Variants in PDZD8 observed in about 807,000 individuals in gnomAD.
PDZD8 encodes the protein PDZ domain containing 8.
Under a neutral mutation model 85.8 loss-of-function variants are expected in PDZD8, and 14 were observed. That is an observed-to-expected ratio of 0.16 (90% CI 0.11 to 0.26). The LOEUF (loss-of-function observed/expected upper bound fraction) is 0.26, where lower values mean the gene tolerates loss of function less well. Among genes scored for constraint, PDZD8 ranks in the 10% least tolerant of loss-of-function variants. PDZD8 has a pLI of 1.00. For synonymous variants in PDZD8, 592 were observed against 568.6 expected, an observed-to-expected ratio of 1.04 and a Z score of -0.59; for missense variants, 1,197 against 1,424.3, an observed-to-expected ratio of 0.84 and a Z score of 2.57.
intron 3 of PDZD8, among the ~76,000 whole-genome samples, chr10:117,296,329 T>C (rs1006259058): frequency 1.3e-5 from 2 of 152,238 alleles, no homozygotes; most frequent in East Asian, 3.9e-4. Flanking sequence ...ATATACTGCA[T>C]TATTGTGAGA....
In PDZD8 at chr10:117,375,105, C is replaced by T; in HGVS notation, c.123G>A (p.Ala41=). 3.8e-6 allele frequency: 6 copies of T among 1,595,584 alleles called. No homozygotes were observed. The highest frequency in any genetic ancestry group is 5.1e-6 in the Non-Finnish European group (6 of 1,176,062). The change falls in exon 1 of 5, where the codon GCG becomes GCA. Residue 41 remains alanine (A), a synonymous_variant. Transcript: ENST00000334464. ...GCTTGATGTAGCGGAAGCCCTCGCC[C>T]GCGCGGGCGGCCTCGTCCGCCGGCG... ...PEPPADEAAR[A]GEGFRYIKPV...
chr10:117,365,108 TA>T (rs2133885641), intron 1 of PDZD8, among the ~76,000 whole-genome samples: 1 of 142,410 alleles, frequency 7.0e-6, no homozygotes, highest in African/African-American at 2.6e-5. Flanking sequence ...TCCTCAATAC[TA>T]TACAAATATA....
At chr10:117,352,745 GAC>G (rs1357339608) in intron 1 of PDZD8, among the ~76,000 whole-genome samples, 2 of 152,142 alleles carry the variant, frequency 1.3e-5, no homozygotes, top group African/African-American at 4.8e-5. Context: ...ACAGCATAAA[GAC>G]AGACCATGGT....
intron 3 of PDZD8, among the ~76,000 whole-genome samples, chr10:117,297,077 A>G (rs568667680): frequency 6.6e-6 from 1 of 152,114 alleles, no homozygotes; most frequent in African/African-American, 2.4e-5. Context: ...AACTCTTACA[A>G]CTAAATAAGA....
intron 1 of PDZD8, among the ~76,000 whole-genome samples, chr10:117,360,892 C>A (rs918115382): frequency 3.3e-5 from 5 of 152,056 alleles, no homozygotes; most frequent in Admixed American, 3.3e-4. Context: ...GTTCTTAGGA[C>A]TCCTATAAAC....
intron 2 of PDZD8, 36 bp downstream of exon 2, chr10:117,340,944 T>C (rs201652195): frequency 1.7e-4 from 270 of 1,610,806 alleles, no homozygotes; most frequent in Middle Eastern, 8.3e-4. Context: ...GCACTGTTCT[T>C]CCCGTAACTT....
At chr10:117,328,166 A>C (rs1165258602) in intron 2 of PDZD8, among the ~76,000 whole-genome samples, 1 of 152,140 alleles carries the variant, frequency 6.6e-6, no homozygotes, top group Non-Finnish European at 1.5e-5. Context: ...GACTCCCATC[A>C]CCAAAGTTAT....
At chr10:117,297,493 G>C (rs1403859433) in intron 3 of PDZD8, among the ~76,000 whole-genome samples, 2 of 152,090 alleles carry the variant, frequency 1.3e-5, no homozygotes, top group Non-Finnish European at 2.9e-5. Flanking sequence ...CCAGGAACTG[G>C]TCAAATGATG....
At chr10:117,363,335 C>T (rs555079633) in intron 1 of PDZD8, among the ~76,000 whole-genome samples, 1 of 152,084 alleles carries the variant, frequency 6.6e-6, no homozygotes, top group Non-Finnish European at 1.5e-5. Flanking sequence ...ATGCACTATT[C>T]AGAAGATATT....
At chr10:117,353,011 T>C (rs1480290782) in intron 1 of PDZD8, among the ~76,000 whole-genome samples, 1 of 152,050 alleles carries the variant, frequency 6.6e-6, no homozygotes, top group Non-Finnish European at 1.5e-5. Flanking sequence ...AGGAGTGGGG[T>C]TGTAATAAGT....
chr10:117,290,195 C>T lies in PDZD8; in HGVS notation c.1252G>A (p.Ala418Thr), dbSNP rs150304837. 19 of 1,612,920 alleles carry T rather than the reference C, an allele frequency of 1.2e-5. No individual in the cohort carries two copies. The highest frequency in any genetic ancestry group is 6.7e-5 in the African/African-American group (5 of 74,880). Reference protein sequence around the residue: ...ADLQRGDRLIAIGGVKITSTL... With the variant: ...ADLQRGDRLITIGGVKITSTL... ...ATATTAGCATAATTACCTCCAATGG[C>T]GATAAGTCGATCTCCCCGCTGAAGA... Residue 418 changes from alanine (A) to threonine (T), a missense_variant, in exon 4 of 5, where the codon GCC becomes ACC. Transcript: ENST00000334464.
rs115331872 is a variant in PDZD8 at position 117,284,365 on chromosome 10, T to C, written c.2368A>G (p.Thr790Ala). 6.0e-5 allele frequency: 97 copies of C among 1,614,210 alleles called. No individual in the cohort carries two copies. In the East Asian group the frequency reaches 1.9e-3, roughly 32 times the overall value. Residue 790 changes from threonine (T) to alanine (A), a missense_variant, in exon 5 of 5, where the codon ACT becomes GCT. Physicochemically the swap from Thr to Ala is moderately conservative, Grantham distance 58. This residue lies in a region of PDZD8 where 418 missense variants were observed against 571.1 expected (regional missense o/e 0.73). Transcript: ENST00000334464. ...FNDKFCYGDITIHFKYLKEGE... is the reference protein window; with the variant it reads ...FNDKFCYGDIAIHFKYLKEGE... ...TCTTTCAAATATTTGAAGTGAATAG[T>C]AATGTCACCATAGCAAAATTTGTCA...
chr10:117,364,018 A>C (rs1589595025), intron 1 of PDZD8, among the ~76,000 whole-genome samples: 1 of 152,286 alleles, frequency 6.6e-6, no homozygotes, highest in South Asian at 2.1e-4. Flanking sequence ...TGAAATTAAA[A>C]ATCAAGTCTT....
intron 3 of PDZD8, among the ~76,000 whole-genome samples, chr10:117,292,020 C>T (rs1783013747): frequency 6.6e-6 from 1 of 152,064 alleles, no homozygotes; most frequent in Admixed American, 6.6e-5. Flanking sequence ...TGCCAAATAC[C>T]CTAATATCCA....
chr10:117,357,545 C>T, intron 1 of PDZD8, among the ~76,000 whole-genome samples: 1 of 151,824 alleles, frequency 6.6e-6, no homozygotes, highest in Non-Finnish European at 1.5e-5. Flanking sequence ...GTGGGCAGAT[C>T]ACTTGAGGTC....
Position 117,285,250 on chromosome 10 carries a change from C to T in PDZD8, c.1483G>A (p.Asp495Asn). 2 of 1,614,196 alleles carry T rather than the reference C, an allele frequency of 1.2e-6. No individual in the cohort carries two copies. The highest frequency in any genetic ancestry group is 2.2e-5 in the East Asian group (1 of 44,886). The change falls in exon 5 of 5, where the codon GAT becomes AAT. Residue 495 changes from aspartate (D) to asparagine (N), a missense_variant. Physicochemically the swap from Asp to Asn is conservative, Grantham distance 23 (BLOSUM62 1). Transcript: ENST00000334464. ...LTVDTESREL[D>N]SEFEDLASDV... ...CTTGCCAAGTCTTCAAATTCAGAAT[C>T]CAGCTCTCTACTTTCAGTATCTACT...
At chr10:117,327,189 G>A (rs1292707795) in intron 2 of PDZD8, among the ~76,000 whole-genome samples, 1 of 152,196 alleles carries the variant, frequency 6.6e-6, no homozygotes, top group African/African-American at 2.4e-5. Context: ...TGGCAATGCA[G>A]AATGATAGAA....
intron 1 of PDZD8, among the ~76,000 whole-genome samples, chr10:117,349,584 C>T (rs1375178616): frequency 6.6e-6 from 1 of 152,176 alleles, no homozygotes; most frequent in East Asian, 1.9e-4. Flanking sequence ...AGGCGACCTG[C>T]TTGAGCTCAG....
intron 2 of PDZD8, among the ~76,000 whole-genome samples, chr10:117,326,060 C>A (rs1844311442): frequency 6.6e-6 from 1 of 152,144 alleles, no homozygotes. Context: ...GCTTCTTCTT[C>A]CCCTTCCACT....
Sources: allele counts gnomAD v4.1 joint callset (sites outside exome capture counted in the v4.1 genomes callset), GRCh38; gene constraint gnomAD v4.1.1; regional missense constraint gnomAD v4.1.1; transcripts MANE v1.5; gene names NCBI Gene and HGNC (gene_info 2026-07-23, HGNC 2026-07-21).